The following APOO variants were observed in gnomAD, a reference collection of about 807,000 sequenced individuals.
APOO encodes MICOS complex subunit MIC26.
Under a neutral mutation model 23.1 loss-of-function variants are expected in APOO, and 11 were observed. That is an observed-to-expected ratio of 0.48 (90% CI 0.30 to 0.79). The LOEUF is 0.79. APOO is among the 30% of genes least tolerant of loss of function. The pLI, the probability that APOO is intolerant of heterozygous loss-of-function variation, is 0.07. For missense variants in APOO, 160 were observed against 142.7 expected, an observed-to-expected ratio of 1.12 and a Z score of -0.62; for synonymous variants, 59 against 54.8, an observed-to-expected ratio of 1.08 and a Z score of -0.34.
intron 4 of APOO, among the ~76,000 whole-genome samples, chrX:23,872,582 C>A (rs112573027): frequency 0.017 from 1,699 of 101,467 alleles, 37 homozygotes; most frequent in African/African-American, 0.057. Flanking sequence ...TATATATTTA[C>A]GGGGTAAATG....
At chrX:23,892,404 G>A (rs189957574) in intron 1 of APOO, among the ~76,000 whole-genome samples, 1,213 of 109,758 alleles carry the variant, frequency 0.011, 25 homozygotes, top group African/African-American at 0.038. Flanking sequence ...ACAGGCGCCC[G>A]CTACCATGCC....
At chrX:23,879,173 C>T (rs768774477) in intron 2 of APOO, 139 bp from the exon 3 acceptor site, 21 of 759,363 alleles carry the variant, frequency 2.8e-5, no homozygotes, top group East Asian at 7.8e-5. Context: ...TGGTGGTTCA[C>T]GCTTGTAATC....
At chrX:23,853,797 T>A (rs994429280) in intron 7 of APOO, among the ~76,000 whole-genome samples, 3 of 109,872 alleles carry the variant, frequency 2.7e-5, no homozygotes, top group South Asian at 4.0e-4. Context: ...GGTTATTATT[T>A]TTTTTTTGGT....
intron 7 of APOO, among the ~76,000 whole-genome samples, chrX:23,849,479 G>A (rs764255610): frequency 1.2e-4 from 13 of 105,359 alleles, no homozygotes; most frequent in Non-Finnish European, 1.9e-4. Flanking sequence ...AACCCAAACC[G>A]TTGGAAACTC....
rs1288925401 is a variant in APOO at position 23,836,627 on chromosome X, T to TTC, written c.*30-3016_*30-3015insGA. 1.3e-4 allele frequency: 63 copies of TTC among 485,229 alleles called. No individual in the cohort carries two copies. The South Asian group carries it at 1.6e-3, about 12-fold the overall frequency. 40.0% of individuals were successfully genotyped at this position (485,229 alleles called of 1,213,427 possible). A position where few individuals can be genotyped will look rare whatever the true frequency, so the allele number is the denominator to read the frequency against. On this transcript the variant is annotated intron_variant, in intron 8 of 8. Coordinates refer to ENST00000379226, the MANE Select transcript of APOO (RefSeq NM_024122.5). ...CACGCCCAGCCCCAGCCTAATTTCT[T>TTC]TTTTTTTTTTTTTTCCCCAAATCAA... is the stretch of plus-strand genomic sequence containing the variant.
chrX:23,856,483 T>G, intron 6 of APOO, 101 bp from the exon 7 acceptor site: 1 of 638,219 alleles, frequency 1.6e-6, no homozygotes, highest in Middle Eastern at 3.7e-4. Context: ...GATATATGCA[T>G]GCATATGTTC....
At chrX:23,865,105 G>A (rs995012608) in intron 5 of APOO, among the ~76,000 whole-genome samples, 1 of 111,600 alleles carries the variant, frequency 9.0e-6, no homozygotes, top group Non-Finnish European at 1.9e-5. Flanking sequence ...TGCCAGGGGC[G>A]GGGGGAACCA....
chrX:23,851,385 G>A, intron 7 of APOO, among the ~76,000 whole-genome samples: 1 of 111,223 alleles, frequency 9.0e-6, no homozygotes, highest in Admixed American at 9.7e-5. Context: ...AGTAGAGACG[G>A]GTTTTCACCA....
intron 7 of APOO, among the ~76,000 whole-genome samples, chrX:23,844,310 T>G: frequency 8.9e-6 from 1 of 112,038 alleles, no homozygotes; most frequent in East Asian, 2.8e-4. Context: ...GGCAGAATAA[T>G]GGCCCCTCAA....
chrX:23,903,723 T>C (rs997699580), intron 1 of APOO, among the ~76,000 whole-genome samples: 1 of 111,615 alleles, frequency 9.0e-6, no homozygotes, highest in African/African-American at 3.3e-5. Flanking sequence ...TTTTGCAAAG[T>C]TAAAAACGAA....
At chrX:23,866,415 T>G (rs1925337920) in intron 5 of APOO, among the ~76,000 whole-genome samples, 1 of 111,888 alleles carries the variant, frequency 8.9e-6, no homozygotes, top group African/African-American at 3.2e-5. Flanking sequence ...GTGACATGAG[T>G]TGCTTCCACA....
intron 7 of APOO, among the ~76,000 whole-genome samples, 164 bp downstream of exon 7, chrX:23,856,138 T>C (rs1215918906): frequency 2.7e-5 from 3 of 112,132 alleles, no homozygotes; most frequent in African/African-American, 9.7e-5. Flanking sequence ...TCAGAAGTTC[T>C]ACTGCTCTAC....
At chrX:23,903,138 G>C (rs950853392) in intron 1 of APOO, among the ~76,000 whole-genome samples, 10 of 111,711 alleles carry the variant, frequency 9.0e-5, no homozygotes, top group Non-Finnish European at 1.9e-4. Context: ...GGGAGGCTGA[G>C]GCGGGTGGAT....
At chrX:23,856,711 C>T (rs1924801405) in intron 6 of APOO, among the ~76,000 whole-genome samples, 1 of 112,118 alleles carries the variant, frequency 8.9e-6, no homozygotes, top group African/African-American at 3.2e-5. Context: ...TGTGCCACCA[C>T]ACCCAGCTAA....
chrX:23,901,004 G>T (rs1927110717), intron 1 of APOO, among the ~76,000 whole-genome samples: 1 of 112,065 alleles, frequency 8.9e-6, no homozygotes, highest in Non-Finnish European at 1.9e-5. Flanking sequence ...AAGTATAAAA[G>T]TTACATTACT....
intron 7 of APOO, among the ~76,000 whole-genome samples, chrX:23,847,908 C>T (rs1252772536): frequency 1.9e-5 from 2 of 107,581 alleles, no homozygotes; most frequent in Non-Finnish European, 3.8e-5. Flanking sequence ...TGGAGTTTCA[C>T]TCTTGTTGCC....
In APOO at chrX:23,856,363, TATA is replaced by T. The variant is rs1282671860; in HGVS notation, c.497_499del (p.Leu166del). The T allele has an allele frequency of 8.3e-7, 1 of 1,207,135 alleles. No homozygotes were observed. Among genetic ancestry groups the T allele is most frequent in the Non-Finnish European group, 1.1e-6 (1 of 893,388 alleles). ...TATATATCCTCGTAAACCCCAGTCA[TATA>T]ATCTCTCCCCACTGACCTTAAAACA... On this transcript the variant is annotated inframe_deletion, in exon 7 of 9. Transcript: ENST00000379226.
chrX:23,867,232 T>C (rs765964080), intron 5 of APOO, among the ~76,000 whole-genome samples: 26 of 112,358 alleles, frequency 2.3e-4, no homozygotes, highest in Non-Finnish European at 3.9e-4. Flanking sequence ...GTTTGAATGA[T>C]TGTCCCCTTT....
chrX:23,894,445 T>C (rs1272684315), intron 1 of APOO, among the ~76,000 whole-genome samples: 1 of 111,907 alleles, frequency 8.9e-6, no homozygotes, highest in African/African-American at 3.2e-5. Context: ...ACTTTTAATA[T>C]GTAATCATAT....
Sources: allele counts gnomAD v4.1 joint callset (sites outside exome capture counted in the v4.1 genomes callset), GRCh38; gene constraint gnomAD v4.1.1; transcripts MANE v1.5; gene names NCBI Gene and HGNC (gene_info 2026-07-23, HGNC 2026-07-21).